The following TIMM50 variants were observed in gnomAD, a reference collection of about 807,000 sequenced individuals.
TIMM50 encodes mitochondrial import inner membrane translocase subunit TIM50.
In TIMM50, 34 loss-of-function variants were observed where a neutral mutation model predicts 49.6. The observed-to-expected ratio is 0.69, with a 90% confidence interval of 0.52 to 0.91. TIMM50 has a LOEUF of 0.91. Among genes scored for constraint, TIMM50 ranks in the 40% least tolerant of loss-of-function variants. The pLI is 0.00. For missense variants in TIMM50, 458 were observed against 477.8 expected (o/e 0.96, Z 0.39); for synonymous variants, 199 against 198.4 (o/e 1.00, Z -0.03).
rs1568445509 is a variant in TIMM50, at chr19:39,492,883, A to AAAAAC, written c.*3067_*3068insCAAAA. ...AAGGCTCTGTCTCCAAAAAAAAAAA[A>AAAAAC]AAAAAAAAACAAAAAAAAAACCAGT... On this transcript the variant is annotated 3_prime_UTR_variant, in exon 11 of 11. Coordinates refer to ENST00000607714, the MANE Select transcript of TIMM50 (RefSeq NM_001001563.5). The AAAAAC allele has an allele frequency of 1.1e-4, 15 of 138,528 alleles. No homozygotes were observed. The highest frequency in any genetic ancestry group is 3.9e-4 in the African/African-American group (14 of 35,692). 8.6% of individuals were successfully genotyped at this position (138,528 alleles called of 1,614,324 possible).
intron 5 of TIMM50, 26 bp from the exon 6 acceptor site, chr19:39,485,662 G>A (rs201911543): frequency 1.4e-5 from 22 of 1,613,832 alleles, no homozygotes; most frequent in Admixed American, 5.0e-5. Flanking sequence ...TTGTCTGAGC[G>A]CCCCCATCCT....
intron 4 of TIMM50, among the ~76,000 whole-genome samples, chr19:39,484,035 G>C (rs1025686936): frequency 6.6e-6 from 1 of 151,734 alleles, no homozygotes; most frequent in Non-Finnish European, 1.5e-5. Flanking sequence ...TATAGTTTTA[G>C]TAGAGACAGG....
intron 1 of TIMM50, 123 bp from the exon 2 acceptor site, chr19:39,481,760 G>C: frequency 7.9e-7 from 1 of 1,264,546 alleles, no homozygotes; most frequent in Non-Finnish European, 1.1e-6. Context: ...CAGGGACACA[G>C]ATGTCCAGGG....
intron 1 of TIMM50, chr19:39,481,248 G>A (rs1443260156): frequency 2.9e-5 from 14 of 478,284 alleles, no homozygotes; most frequent in Non-Finnish European, 3.3e-5. Flanking sequence ...TGAGCAGGAG[G>A]GGCCTGGGAC....
At position 39,485,816 on chromosome 19, in the gene TIMM50, C is replaced by T. The variant is rs770810769; in HGVS notation, c.492+9C>T. On this transcript the variant is annotated intron_variant, in intron 6 of 10. Coordinates refer to ENST00000607714, the MANE Select transcript of TIMM50 (RefSeq NM_001001563.5). ...TGCATCCTGAGTGGTCGGTGTGTCC[C>T]GGGAAACCCAGTGGGTTGGGGATAG... 35 of 1,613,896 alleles carry T rather than the reference C, an allele frequency of 2.2e-5. No homozygotes were observed. The highest frequency in any genetic ancestry group is 4.5e-5 in the East Asian group (2 of 44,894).
At chr19:39,482,639 A>G (rs2079480106) in intron 2 of TIMM50, among the ~76,000 whole-genome samples, 1 of 150,524 alleles carries the variant, frequency 6.6e-6, no homozygotes, top group Admixed American at 6.6e-5. Context: ...CAGCCTGGGC[A>G]ACAGAGCGAG....
At position 39,491,999 on chromosome 19, in the gene TIMM50, G is replaced by GA. The variant is rs2079548663; in HGVS notation, c.*2180dup. On this transcript the variant is annotated 3_prime_UTR_variant, in exon 11 of 11. Coordinates refer to ENST00000607714, the MANE Select transcript of TIMM50 (RefSeq NM_001001563.5). ...CCCCAAATGCTGAGATTATAGGAGT[G>GA]AGCCACTCTGCCCAACTACTTTTAA... The GA allele has an allele frequency of 6.6e-6, 1 of 152,034 alleles. No homozygotes were observed. The highest frequency in any genetic ancestry group is 2.1e-4 in the South Asian group (1 of 4,826). The allele number at this position is 152,034 out of a possible 1,614,324, so 9.4% of individuals were successfully genotyped here. A position where few individuals can be genotyped will look rare whatever the true frequency, so the allele number is the denominator to read the frequency against.
intron 4 of TIMM50, 194 bp from the exon 5 acceptor site, chr19:39,485,350 G>T: frequency 3.2e-6 from 2 of 632,932 alleles, no homozygotes; most frequent in Non-Finnish European, 5.6e-6. Flanking sequence ...GCTTAAAATA[G>T]GGCAAGTAAA....
At chr19:39,488,267 C>A in intron 9 of TIMM50, 50 bp downstream of exon 9, 1 of 1,570,338 alleles carries the variant, frequency 6.4e-7, no homozygotes, top group South Asian at 1.1e-5. Flanking sequence ...GCCCCTGACT[C>A]TGAAGAGGAA....
chr19:39,488,421 G>T, intron 9 of TIMM50, 118 bp from the exon 10 acceptor site: 1 of 1,115,616 alleles, frequency 9.0e-7, no homozygotes, highest in South Asian at 1.4e-5. Context: ...AGAGCGTTCA[G>T]AAGCATTCCA....
At position 39,492,988 on chromosome 19, in the gene TIMM50, T is replaced by G. The variant is rs2079558503; in HGVS notation, c.*3168T>G. The stretch of plus-strand genomic sequence containing the variant: ...AGTCTCTCCTACTCCAGCCTTCATC[T>G]AGTGCTAACTGATTAAATATTCTAA... On this transcript the variant is annotated 3_prime_UTR_variant, in exon 11 of 11. Transcript: ENST00000607714. 6.6e-6 allele frequency: 1 copy of G among 151,610 alleles called. No individual in the cohort carries two copies. Among genetic ancestry groups the G allele is most frequent in the Non-Finnish European group, 1.5e-5 (1 of 67,968 alleles). 9.4% of individuals were successfully genotyped at this position (151,610 alleles called of 1,614,324 possible).
rs1409997666 is a variant in TIMM50, at chr19:39,491,424, C to T, written c.*1604C>T. The T allele has an allele frequency of 6.6e-6, 1 of 151,912 alleles. No individual in the cohort carries two copies. The highest frequency in any genetic ancestry group is 1.5e-5 in the Non-Finnish European group (1 of 68,014). The allele number at this position is 151,912 out of a possible 1,614,324, so 9.4% of individuals were successfully genotyped here. The stretch of plus-strand genomic sequence containing the variant: ...CCTCGTGATCCGCCCGCCTCGGCCT[C>T]CCAAAGTGCTGGGATTGCAGGCATG... On this transcript the variant is annotated 3_prime_UTR_variant, in exon 11 of 11. Transcript: ENST00000607714.
At position 39,491,065 on chromosome 19, in the gene TIMM50, C is replaced by T. The variant is rs2079541764; in HGVS notation, c.*1245C>T. 1 of 151,248 alleles carries T rather than the reference C, an allele frequency of 6.6e-6. No homozygotes were observed. The highest frequency in any genetic ancestry group is 1.5e-5 in the Non-Finnish European group (1 of 67,922). 9.4% of individuals were successfully genotyped at this position (151,248 alleles called of 1,614,324 possible). Reference sequence around the variant, plus strand: ...ATAAAATGTTGGCTTCTAACTAAAACAGGCAGATATGTAGCAGTGTTCTCC... The same window carrying T: ...ATAAAATGTTGGCTTCTAACTAAAATAGGCAGATATGTAGCAGTGTTCTCC... On this transcript the variant is annotated 3_prime_UTR_variant, in exon 11 of 11. Transcript: ENST00000607714.
chr19:39,486,083 G>A, intron 6 of TIMM50, 104 bp from the exon 7 acceptor site: 1 of 1,245,880 alleles, frequency 8.0e-7, no homozygotes, highest in Non-Finnish European at 1.2e-6. Flanking sequence ...GAGACAGAGG[G>A]AGAGAACTCT....
rs569026532 is a variant in TIMM50 at position 39,484,832 on chromosome 19, C to T, written c.314-712C>T. Among the ~76,000 whole-genome samples, 37 of 152,108 alleles carry T rather than the reference C, an allele frequency of 2.4e-4. No homozygotes were observed. In the East Asian group the frequency reaches 5.4e-3, roughly 22 times the overall value. On this transcript the variant is annotated intron_variant, in intron 4 of 10. Coordinates refer to ENST00000607714, the MANE Select transcript of TIMM50 (RefSeq NM_001001563.5). ...ATCCCAACACTTTGGGAGGCCAAGG[C>T]GGGAGGATCACTTGAGCCCAGGAGT...
intron 10 of TIMM50, 63 bp downstream of exon 10, chr19:39,488,708 G>T (rs2079524866): frequency 1.5e-6 from 2 of 1,334,630 alleles, no homozygotes; most frequent in Admixed American, 3.4e-5. Context: ...GGAGCCTGGG[G>T]CAGTCCATCT....
chr19:39,488,668 T>C, intron 10 of TIMM50, 23 bp downstream of exon 10: 1 of 1,597,380 alleles, frequency 6.3e-7, no homozygotes, highest in Non-Finnish European at 8.6e-7. Flanking sequence ...ATGCCCAGAG[T>C]GGAGGATCGG....
intron 10 of TIMM50, among the ~76,000 whole-genome samples, chr19:39,488,935 C>T (rs1568443419): frequency 6.6e-6 from 1 of 151,830 alleles, no homozygotes; most frequent in Non-Finnish European, 1.5e-5. Context: ...GGTCTGGGGG[C>T]ACCTTGTGGA....
At chr19:39,489,622 G>C in intron 10 of TIMM50, 97 bp from the exon 11 acceptor site, 1 of 1,167,162 alleles carries the variant, frequency 8.6e-7, no homozygotes, top group South Asian at 1.4e-5. Flanking sequence ...CAGAAGGAAA[G>C]GTGGTCCCTG....
Sources: gnomAD v4.1 joint callset for allele counts (sites outside exome capture counted in the v4.1 genomes callset) on GRCh38, gnomAD v4.1.1 for gene constraint, MANE v1.5 for transcripts, NCBI Gene and HGNC (gene_info 2026-07-23, HGNC 2026-07-21) for gene names.